Variants in HHLA2 observed in about 807,000 individuals in gnomAD.
HHLA2 encodes HERV-H LTR-associating protein 2.
In HHLA2, 48 loss-of-function variants were observed where a neutral mutation model predicts 45.9. The observed-to-expected ratio is 1.05, with a 90% CI of 0.83 to 1.33. The LOEUF (loss-of-function observed/expected upper bound fraction) is 1.33, where lower values mean the gene tolerates loss of function less well. HHLA2 is among the 40% of genes most tolerant of loss of function. The pLI is 0.00. For synonymous variants in HHLA2, 161 were observed against 173.9 expected (o/e 0.93, Z 0.59); for missense variants, 462 against 494.3 (o/e 0.93, Z 0.62).
At chr3:108,319,430 C>T (rs1016946604) in intron 2 of HHLA2, among the ~76,000 whole-genome samples, 1 of 152,178 alleles carries the variant, frequency 6.6e-6, no homozygotes, top group African/African-American at 2.4e-5. Context: ...CCTTCTTCAG[C>T]TCCTTCTCCT....
chr3:108,348,382 G>A (rs548484499), intron 3 of HHLA2, among the ~76,000 whole-genome samples: 13 of 152,272 alleles, frequency 8.5e-5, no homozygotes, highest in African/African-American at 2.9e-4. Context: ...ACTGACAAGG[G>A]CAGTTTATGA....
chr3:108,368,285 A>G (rs921866433), intron 8 of HHLA2, among the ~76,000 whole-genome samples: 5 of 152,116 alleles, frequency 3.3e-5, no homozygotes, highest in African/African-American at 1.2e-4. Context: ...CAACACTATG[A>G]GGAAACTGCC....
chr3:108,318,904 A>T (rs1350603035), intron 2 of HHLA2, among the ~76,000 whole-genome samples: 3 of 152,208 alleles, frequency 2.0e-5, no homozygotes, highest in African/African-American at 7.2e-5. Flanking sequence ...AACATTGGTT[A>T]TGACATCTCA....
rs1036375205 is a variant in HHLA2, at chr3:108,350,648, G to A, written c.-26-1140G>A. ...AAATATAGAATATATTCTTGTAATA[G>A]TAGAGCTCCTAAATGGTATCTTTTT... is the stretch of plus-strand genomic sequence containing the variant. On this transcript the variant is annotated intron_variant, in intron 3 of 10. Transcript: ENST00000619531. Among the ~76,000 whole-genome samples, 13 of 152,130 alleles carry A rather than the reference G, an allele frequency of 8.5e-5. No homozygotes were observed. The East Asian group carries it at 2.1e-3, about 25-fold the overall frequency.
At chr3:108,339,780 G>A (rs1346692491) in intron 3 of HHLA2, among the ~76,000 whole-genome samples, 1 of 152,082 alleles carries the variant, frequency 6.6e-6, no homozygotes, top group African/African-American at 2.4e-5. Context: ...AATTCCTCCT[G>A]TCAAACTTAC....
At chr3:108,298,892 G>A (rs1001702087) in intron 1 of HHLA2, among the ~76,000 whole-genome samples, 4 of 151,366 alleles carry the variant, frequency 2.6e-5, no homozygotes, top group Non-Finnish European at 5.9e-5. Flanking sequence ...CCTGAGATAG[G>A]CAAATGTACA....
chr3:108,367,470 C>T (rs1156417215), intron 8 of HHLA2, among the ~76,000 whole-genome samples: 3 of 151,896 alleles, frequency 2.0e-5, no homozygotes, highest in Non-Finnish European at 4.4e-5. Flanking sequence ...TAAAAGGTTA[C>T]AGGAACTGCT....
chr3:108,328,901 C>T (rs1270555264), intron 3 of HHLA2, among the ~76,000 whole-genome samples: 1 of 152,072 alleles, frequency 6.6e-6, no homozygotes, highest in African/African-American at 2.4e-5. Flanking sequence ...TATGGGGTCT[C>T]TAAAGACTCT....
chr3:108,343,166 G>T lies in HHLA2; in HGVS notation c.-26-8622G>T, dbSNP rs561864102. On this transcript the variant is annotated intron_variant, in intron 3 of 10. Transcript: ENST00000619531. ...CCTGTTTCCTAGGAGGTCAAGATAAGTTGGAGGGCATTTTATTTTTTCTTG... is the reference window on the plus strand; with the variant it reads ...CCTGTTTCCTAGGAGGTCAAGATAATTTGGAGGGCATTTTATTTTTTCTTG... 3.9e-5 allele frequency among the ~76,000 whole-genome samples: 6 copies of T among 152,344 alleles called. No individual in the cohort carries two copies. In the South Asian group the frequency reaches 1.2e-3, roughly 32 times the overall value.
intron 2 of HHLA2, among the ~76,000 whole-genome samples, chr3:108,319,909 C>T (rs1047580809): frequency 2.6e-5 from 4 of 152,278 alleles, no homozygotes; most frequent in East Asian, 1.9e-4. Context: ...GGAGCAGATT[C>T]GCCCCGTGCA....
chr3:108,351,929 C>A, intron 4 of HHLA2, 52 bp downstream of exon 3: 1 of 1,231,678 alleles, frequency 8.1e-7, no homozygotes, highest in Non-Finnish European at 1.2e-6. Context: ...CAGATAGAAA[C>A]ATGAGCACAC....
intron 8 of HHLA2, among the ~76,000 whole-genome samples, chr3:108,375,038 T>C (rs1356118127): frequency 6.7e-6 from 1 of 149,958 alleles, no homozygotes; most frequent in Admixed American, 6.7e-5. Flanking sequence ...CACGTATGTT[T>C]ATTGCGGCAC....
chr3:108,355,124 C>T (rs761451571), exon 6 of HHLA2: 3 of 1,611,006 alleles, frequency 1.9e-6, no homozygotes, highest in Admixed American at 1.7e-5. Context: ...GTTTTTCTCA[C>T]ACCCGTGATG....
chr3:108,329,091 G>A (rs1290767762), intron 3 of HHLA2, among the ~76,000 whole-genome samples: 1 of 152,102 alleles, frequency 6.6e-6, no homozygotes. Flanking sequence ...GATGCAAAAA[G>A]CCACACACTA....
At chr3:108,332,278 A>C (rs1414301856) in intron 3 of HHLA2, among the ~76,000 whole-genome samples, 1 of 152,234 alleles carries the variant, frequency 6.6e-6, no homozygotes, top group African/African-American at 2.4e-5. Context: ...AGTGAGTTCC[A>C]ATATTTTAGT....
intron 3 of HHLA2, among the ~76,000 whole-genome samples, chr3:108,345,822 C>T (rs941593157): frequency 6.6e-6 from 1 of 152,198 alleles, no homozygotes. Flanking sequence ...ATAGGCACAA[C>T]CAGGAAGAGC....
chr3:108,347,361 C>T (rs2081682461), intron 3 of HHLA2, among the ~76,000 whole-genome samples: 1 of 152,112 alleles, frequency 6.6e-6, no homozygotes, highest in Non-Finnish European at 1.5e-5. Flanking sequence ...CTCAGAGACT[C>T]AATTTTTGGC....
At chr3:108,352,594 T>C (rs894400838) in intron 4 of HHLA2, among the ~76,000 whole-genome samples, 1 of 152,226 alleles carries the variant, frequency 6.6e-6, no homozygotes, top group African/African-American at 2.4e-5. Context: ...TAAAATATTT[T>C]GTAAATCAAA....
chr3:108,300,772 C>T (rs2080835967), intron 1 of HHLA2, among the ~76,000 whole-genome samples: 1 of 152,140 alleles, frequency 6.6e-6, no homozygotes, highest in Non-Finnish European at 1.5e-5. Flanking sequence ...TCAGAAGATT[C>T]CCTTTGTTGT....
Sources: gnomAD v4.1 joint callset for allele counts (sites outside exome capture counted in the v4.1 genomes callset) on GRCh38, gnomAD v4.1.1 for gene constraint, MANE v1.5 for transcripts, NCBI Gene and HGNC (gene_info 2026-07-23, HGNC 2026-07-21) for gene names.